LUZP2: variants seen among roughly 807,000 people sequenced by gnomAD.
LUZP2 encodes leucine zipper protein 2.
In LUZP2, 52 loss-of-function variants were observed where a neutral mutation model predicts 51.6. The ratio of observed to expected loss-of-function variants is 1.01; its 90% CI spans 0.81 to 1.27. The LOEUF is 1.27. Ranked by LOEUF, LUZP2 falls within the 50% of genes most tolerant of loss-of-function variation. LUZP2 has a pLI of 0.00. For missense variants in LUZP2, 436 were observed against 395.4 expected (o/e 1.10, Z -0.87); for synonymous variants, 154 against 137.3 (o/e 1.12, Z -0.85).
chr11:24,617,051 A>G (rs1265908529), intron 1 of LUZP2, among the ~76,000 whole-genome samples: 1 of 152,028 alleles, frequency 6.6e-6, no homozygotes, highest in Non-Finnish European at 1.5e-5. Context: ...ATTCTTGTAA[A>G]TTTTCTGTGT....
intron 3 of LUZP2, among the ~76,000 whole-genome samples, chr11:24,733,493 G>A (rs780351547): frequency 4.0e-5 from 6 of 151,542 alleles, no homozygotes; most frequent in Admixed American, 6.6e-5. Flanking sequence ...CCTGGAGGAC[G>A]TTATGTTAAG....
intron 5 of LUZP2, chr11:24,892,507 G>A (rs10767271): frequency 0.45 from 266,930 of 590,454 alleles, 61,124 homozygotes; most frequent in East Asian, 0.68. Context: ...TCAATAAAGC[G>A]TATATATAAC....
chr11:24,657,679 C>G (rs960576882), intron 1 of LUZP2, among the ~76,000 whole-genome samples: 3 of 152,114 alleles, frequency 2.0e-5, no homozygotes, highest in African/African-American at 7.2e-5. Context: ...CTAGAAAACC[C>G]CATCGTCTCA....
intron 5 of LUZP2, among the ~76,000 whole-genome samples, chr11:24,874,843 T>C (rs147673929): frequency 1.1e-3 from 166 of 152,294 alleles, no homozygotes; most frequent in African/African-American, 3.9e-3. Context: ...ATCCAGTTCC[T>C]CAATTGGGAT....
intron 1 of LUZP2, among the ~76,000 whole-genome samples, chr11:24,594,769 T>A (rs1473449052): frequency 1.4e-5 from 2 of 140,256 alleles, no homozygotes; most frequent in African/African-American, 5.4e-5. Flanking sequence ...TTTTTTTTTT[T>A]TTTTTTTTGA....
Position 24,910,833 on chromosome 11 carries a change from A to G in LUZP2, c.460-3643A>G, listed in dbSNP as rs527944431. ...TGAGAAGAGAGAGCCACCGTCCTCC[A>G]GACTCCAGAATGGTAGATCCACCGA... On this transcript the variant is annotated intron_variant, in intron 6 of 11. Transcript: ENST00000336930. 1.0e-3 allele frequency among the ~76,000 whole-genome samples: 156 copies of G among 152,318 alleles called. 2 individuals carry two copies. The South Asian group carries it at 0.014, about 13-fold the overall frequency.
At chr11:24,686,571 T>A (rs1045178259) in intron 1 of LUZP2, among the ~76,000 whole-genome samples, 2 of 152,206 alleles carry the variant, frequency 1.3e-5, no homozygotes, top group Non-Finnish European at 2.9e-5. Flanking sequence ...AAAATTCATC[T>A]GCATTTGCCA....
intron 1 of LUZP2, among the ~76,000 whole-genome samples, chr11:24,684,394 T>G (rs1438770899): frequency 6.6e-6 from 1 of 152,210 alleles, no homozygotes; most frequent in African/African-American, 2.4e-5. Context: ...TTTCCCTGGT[T>G]TCTCCCAAGC....
chr11:24,662,610 A>T lies in LUZP2; in HGVS notation c.63-66559A>T, dbSNP rs190085251. Among the ~76,000 whole-genome samples the T allele has an allele frequency of 2.5e-3, 374 of 152,270 alleles. 2 individuals carry two copies. The highest frequency in any genetic ancestry group is 8.8e-3 in the African/African-American group (364 of 41,576). ...AAATATTCCAAAAATAATGTTTTTA[A>T]AATTACTAATAATGAAGAAAAGGCT... is the stretch of plus-strand genomic sequence containing the variant. On this transcript the variant is annotated intron_variant, in intron 1 of 11. Transcript: ENST00000336930.
chr11:24,757,818 A>G (rs1052052827), intron 4 of LUZP2, among the ~76,000 whole-genome samples: 1 of 152,034 alleles, frequency 6.6e-6, no homozygotes, highest in Non-Finnish European at 1.5e-5. Flanking sequence ...TTAATTTTAA[A>G]TTGTAAACAA....
At chr11:24,973,913 T>G (rs941641578) in intron 7 of LUZP2, among the ~76,000 whole-genome samples, 2 of 152,036 alleles carry the variant, frequency 1.3e-5, no homozygotes, top group East Asian at 3.9e-4. Flanking sequence ...TATTCTGTTG[T>G]TTTTTAATGG....
At chr11:25,004,634 C>T (rs1470590607) in intron 9 of LUZP2, among the ~76,000 whole-genome samples, 1 of 152,150 alleles carries the variant, frequency 6.6e-6, no homozygotes, top group Non-Finnish European at 1.5e-5. Context: ...CCTCCCATAG[C>T]CAGTCGAGGA....
chr11:25,000,238 T>C (rs532051639), intron 9 of LUZP2, among the ~76,000 whole-genome samples: 1 of 152,134 alleles, frequency 6.6e-6, no homozygotes, highest in African/African-American at 2.4e-5. Flanking sequence ...ACAGAAAAGT[T>C]CTCCAAGTCC....
In LUZP2 at chr11:24,948,083, T is replaced by C. The variant is rs150025767; in HGVS notation, c.523-28508T>C. On this transcript the variant is annotated intron_variant, in intron 7 of 11. Transcript: ENST00000336930. ...TTAGTGTGCTTAATGGTGTCCCACATTTGAGGCATTGCTTATTTTTCTTAA... is the reference window on the plus strand; with the variant it reads ...TTAGTGTGCTTAATGGTGTCCCACACTTGAGGCATTGCTTATTTTTCTTAA... Among the ~76,000 whole-genome samples, 48 of 151,988 alleles carry C rather than the reference T, an allele frequency of 3.2e-4. No individual in the cohort carries two copies. The East Asian group carries it at 8.7e-3, about 28-fold the overall frequency.
intron 1 of LUZP2, among the ~76,000 whole-genome samples, chr11:24,646,323 A>G (rs1404356826): frequency 6.6e-6 from 1 of 152,112 alleles, no homozygotes; most frequent in Non-Finnish European, 1.5e-5. Context: ...ATTGTTCAAA[A>G]TATAAGAGAG....
intron 9 of LUZP2, among the ~76,000 whole-genome samples, chr11:25,019,763 C>T (rs4922703): frequency 0.58 from 88,447 of 151,406 alleles, 27,007 homozygotes; most frequent in African/African-American, 0.77. Context: ...ATTTAAACTG[C>T]CGTTATGGGA....
At chr11:24,865,861 G>A (rs1410577275) in intron 5 of LUZP2, among the ~76,000 whole-genome samples, 2 of 151,658 alleles carry the variant, frequency 1.3e-5, no homozygotes, top group South Asian at 2.1e-4. Context: ...CCAGGCTGGA[G>A]TGCAGTGGCA....
chr11:24,988,998 G>A (rs560665504), intron 9 of LUZP2, among the ~76,000 whole-genome samples: 7 of 151,850 alleles, frequency 4.6e-5, no homozygotes, highest in African/African-American at 1.7e-4. Flanking sequence ...GCAGCCATAG[G>A]AGGCCGGAAG....
chr11:24,503,945 G>C (rs1239146953), intron 1 of LUZP2, among the ~76,000 whole-genome samples: 1 of 148,246 alleles, frequency 6.7e-6, no homozygotes, highest in South Asian at 2.2e-4. Context: ...GGGAATTACA[G>C]TAATAAGCAG....
Sources: gnomAD v4.1 joint callset for allele counts (sites outside exome capture counted in the v4.1 genomes callset) on GRCh38, gnomAD v4.1.1 for gene constraint, MANE v1.5 for transcripts, NCBI Gene and HGNC (gene_info 2026-07-23, HGNC 2026-07-21) for gene names.